The following HEATR5A variants were observed in gnomAD, a reference collection of about 807,000 sequenced individuals.
HEATR5A encodes the protein HEAT repeat-containing protein 5A.
A neutral mutation model predicts 218.8 loss-of-function variants in HEATR5A; 178 were observed. The observed-to-expected ratio is 0.81, with a 90% confidence interval of 0.72 to 0.92. The LOEUF (loss-of-function observed/expected upper bound fraction) is 0.92. Ranked by LOEUF, HEATR5A falls within the 40% of genes least tolerant of loss-of-function variation. The pLI is 0.00. For missense variants in HEATR5A, 2,420 were observed against 2,418.9 expected, an observed-to-expected ratio of 1.00 and a Z score of -0.01; for synonymous variants, 864 against 871.6, an observed-to-expected ratio of 0.99 and a Z score of 0.15.
At chr14:31,381,558 GAAAA>G (rs142591545) in intron 10 of HEATR5A, among the ~76,000 whole-genome samples, 1,416 of 53,788 alleles carry the variant, frequency 0.026, 12 homozygotes, top group Middle Eastern at 0.042. Context: ...TGTCTCCTTG[GAAAA>G]AAAAAAAAAA....
intron 22 of HEATR5A, among the ~76,000 whole-genome samples, chr14:31,326,799 C>A (rs1490515170): frequency 6.6e-6 from 1 of 151,776 alleles, no homozygotes; most frequent in Non-Finnish European, 1.5e-5. Flanking sequence ...CCCGCCACCA[C>A]GCCCAGCTAA....
rs773312925 is a variant in HEATR5A at position 31,387,121 on chromosome 14, CA to C, written c.1187del (p.Met396ArgfsTer4). 1.9e-6 allele frequency: 3 copies of C among 1,613,742 alleles called. No individual in the cohort carries two copies. The African/African-American group carries it at 4.0e-5, about 22-fold the overall frequency. ...AACTGTCTTAGTAGAGATCCATACCCATAACTTTCTTTAGCTTCCAGATGGC... is the reference window on the plus strand; with the variant it reads ...AACTGTCTTAGTAGAGATCCATACCCTAACTTTCTTTAGCTTCCAGATGGC... Reference protein sequence around the residue: ...CQAIWKLKKVMDAVMSDGNLE... With the variant: ...CQAIWKLKKVXDAVMSDGNLE... On this transcript the variant is annotated frameshift_variant and splice_region_variant, in exon 8 of 36. Coordinates refer to ENST00000543095, the MANE Select transcript of HEATR5A (RefSeq NM_015473.4). LOFTEE classifies it high-confidence loss of function.
intron 12 of HEATR5A, among the ~76,000 whole-genome samples, chr14:31,372,501 A>C (rs1350715615): frequency 6.6e-6 from 1 of 152,104 alleles, no homozygotes; most frequent in Non-Finnish European, 1.5e-5. Flanking sequence ...TTCTATAATG[A>C]ATTACTTTGT....
chr14:31,309,284 C>T (rs1899657966), intron 28 of HEATR5A, 102 bp from the exon 29 acceptor site: 7 of 1,299,726 alleles, frequency 5.4e-6, no homozygotes, highest in Non-Finnish European at 7.4e-6. Flanking sequence ...CCGAAAGTTC[C>T]CTTGTACCCT....
chr14:31,323,400 G>A (rs1195699818), intron 24 of HEATR5A, among the ~76,000 whole-genome samples, 165 bp downstream of exon 24: 1 of 152,060 alleles, frequency 6.6e-6, no homozygotes, highest in Admixed American at 6.6e-5. Context: ...GGGCTCAAGT[G>A]ATCCTCCTGC....
At chr14:31,351,341 A>G (rs889085310) in intron 16 of HEATR5A, among the ~76,000 whole-genome samples, 2 of 152,032 alleles carry the variant, frequency 1.3e-5, no homozygotes, top group African/African-American at 4.8e-5. Flanking sequence ...AGAAATCAAA[A>G]AGTTAGCTAG....
At chr14:31,368,170 C>A (rs61996760) in intron 13 of HEATR5A, among the ~76,000 whole-genome samples, 1 of 151,904 alleles carries the variant, frequency 6.6e-6, no homozygotes. Context: ...GGGAGTTTGG[C>A]CCTTTTTTTT....
intron 1 of HEATR5A, among the ~76,000 whole-genome samples, chr14:31,411,316 A>T (rs1022618207): frequency 1.6e-5 from 1 of 61,480 alleles, no homozygotes; most frequent in African/African-American, 5.4e-5. Flanking sequence ...TACAAGTCCA[A>T]CACAAGAGAA....
intron 30 of HEATR5A, 94 bp downstream of exon 30, chr14:31,307,797 CTG>C: frequency 7.2e-7 from 1 of 1,390,142 alleles, no homozygotes; most frequent in Non-Finnish European, 9.7e-7. Context: ...AAAAAAATTT[CTG>C]TGTGTTTACT....
chr14:31,293,537 G>A lies in HEATR5A; in HGVS notation c.5909C>T (p.Thr1970Ile). 1.2e-6 allele frequency: 2 copies of A among 1,613,848 alleles called. No homozygotes were observed. The highest frequency in any genetic ancestry group is 1.7e-6 in the Non-Finnish European group (2 of 1,179,818). Residue 1970 changes from threonine (T) to isoleucine (I), a missense_variant, in exon 36 of 36, where the codon ACT (threonine) becomes ATT (isoleucine). Transcript: ENST00000543095. ...LLDENSLGSA[T>I]SIMRNLHDFA... ...GTCATGTAAATTTCTCATTATGGAA[G>A]TTGCTGATCCCAGAGAATTTTCATC...
chr14:31,311,657 G>A (rs1448584033), intron 28 of HEATR5A, among the ~76,000 whole-genome samples: 2 of 151,516 alleles, frequency 1.3e-5, no homozygotes, highest in Non-Finnish European at 2.9e-5. Flanking sequence ...AACCACAAAC[G>A]AATAGTGTTG....
At chr14:31,411,408 G>A (rs911191573) in intron 1 of HEATR5A, among the ~76,000 whole-genome samples, 3 of 152,100 alleles carry the variant, frequency 2.0e-5, no homozygotes, top group African/African-American at 7.2e-5. Context: ...AGTGCAAAAG[G>A]CTTAATGGGA....
At chr14:31,349,500 T>C (rs544860327) in intron 18 of HEATR5A, among the ~76,000 whole-genome samples, 1 of 152,336 alleles carries the variant, frequency 6.6e-6, no homozygotes, top group African/African-American at 2.4e-5. Flanking sequence ...TATAAAACTG[T>C]ATAAATATTT....
intron 22 of HEATR5A, among the ~76,000 whole-genome samples, chr14:31,334,696 C>T (rs1900590254): frequency 1.3e-5 from 2 of 152,174 alleles, no homozygotes; most frequent in Non-Finnish European, 2.9e-5. Flanking sequence ...CCTTTAGTCC[C>T]AGCACTTTGG....
intron 28 of HEATR5A, among the ~76,000 whole-genome samples, chr14:31,312,406 G>T (rs949759712): frequency 6.6e-6 from 1 of 151,198 alleles, no homozygotes; most frequent in African/African-American, 2.4e-5. Context: ...GTTGCTGGTG[G>T]GTGTGTCCTT....
Position 31,345,131 on chromosome 14 carries a change from C to T in HEATR5A, c.3014G>A (p.Arg1005His), listed in dbSNP as rs1408136043. ...THAEVHQSLGRCLNALITTLG... is the reference protein window; with the variant it reads ...THAEVHQSLGHCLNALITTLG... ...CGTGGTAATAAGGGCATTCAAACAGCGACCAAGGCTTTGGTGAACTTCAGC... is the reference window on the plus strand; with the variant it reads ...CGTGGTAATAAGGGCATTCAAACAGTGACCAAGGCTTTGGTGAACTTCAGC... The change falls in exon 20 of 36, where the codon CGC becomes CAC. Residue 1005 changes from arginine to histidine, a missense_variant. Arg to His is a conservative substitution (Grantham distance 29). Coordinates refer to ENST00000543095, the MANE Select transcript of HEATR5A (RefSeq NM_015473.4). 2 of 1,613,786 alleles carry T rather than the reference C, an allele frequency of 1.2e-6. No individual in the cohort carries two copies. Among genetic ancestry groups the T allele is most frequent in the Non-Finnish European group, 1.7e-6 (2 of 1,179,850 alleles).
chr14:31,360,329 T>C (rs1033679253), intron 14 of HEATR5A, among the ~76,000 whole-genome samples: 15 of 152,210 alleles, frequency 9.9e-5, no homozygotes, highest in Non-Finnish European at 7.3e-5. Context: ...CTTAATTTGT[T>C]CTTCTATCTG....
intron 11 of HEATR5A, among the ~76,000 whole-genome samples, chr14:31,376,815 C>T (rs1902244887): frequency 6.6e-6 from 1 of 152,076 alleles, no homozygotes. Flanking sequence ...TAACAAAGCA[C>T]TAAGATTGCT....
intron 21 of HEATR5A, among the ~76,000 whole-genome samples, chr14:31,340,239 G>C (rs1006032291): frequency 6.6e-6 from 1 of 152,182 alleles, no homozygotes; most frequent in African/African-American, 2.4e-5. Context: ...TGCAAGGAGT[G>C]AGTGCACCAG....
Sources: gnomAD v4.1 joint callset for allele counts (sites outside exome capture counted in the v4.1 genomes callset) on GRCh38, gnomAD v4.1.1 for gene constraint, MANE v1.5 for transcripts, NCBI Gene and HGNC (gene_info 2026-07-23, HGNC 2026-07-21) for gene names.